LRRTM4: variants seen among roughly 807,000 people sequenced by gnomAD.
The protein encoded by LRRTM4 is leucine-rich repeat transmembrane neuronal protein 4.
In LRRTM4, 25 loss-of-function variants were observed where a neutral mutation model predicts 47.6. That is an observed-to-expected ratio of 0.53 (90% confidence interval 0.38 to 0.73). The LOEUF is 0.73. Ranked by LOEUF, LRRTM4 falls within the 30% of genes least tolerant of loss-of-function variation. The pLI, the probability that LRRTM4 is intolerant of heterozygous loss-of-function variation, is 0.00. For synonymous variants in LRRTM4, 311 were observed against 269.5 expected (o/e 1.15, Z -1.51); for missense variants, 638 against 713.4 (o/e 0.89, Z 1.20).
chr2:76,945,078 T>G (rs535348077), intron 3 of LRRTM4, among the ~76,000 whole-genome samples: 2 of 152,130 alleles, frequency 1.3e-5, no homozygotes, highest in East Asian at 3.9e-4. Flanking sequence ...CAGGTATGTG[T>G]TTTTTGGCCA....
chr2:77,024,496 A>T (rs78919582), intron 3 of LRRTM4, among the ~76,000 whole-genome samples: 14 of 85,308 alleles, frequency 1.6e-4, no homozygotes, highest in African/African-American at 4.0e-4. Flanking sequence ...GTCTAGAATT[A>T]AAAAAAAAAA....
At chr2:77,082,523 T>G (rs1425518459) in intron 3 of LRRTM4, among the ~76,000 whole-genome samples, 1 of 152,140 alleles carries the variant, frequency 6.6e-6, no homozygotes, top group Admixed American at 6.6e-5. Flanking sequence ...AGCCTTTACC[T>G]ATAGAATTTA....
At chr2:77,318,983 G>A (rs1358151401) in intron 3 of LRRTM4, among the ~76,000 whole-genome samples, 1 of 151,770 alleles carries the variant, frequency 6.6e-6, no homozygotes, top group Admixed American at 6.6e-5. Context: ...AAGGATAACT[G>A]GACACAGCTA....
intron 3 of LRRTM4, among the ~76,000 whole-genome samples, chr2:77,071,749 A>T (rs1215182881): frequency 6.6e-6 from 1 of 152,202 alleles, no homozygotes. Flanking sequence ...ATTCATGGGG[A>T]TGTATGCTTC....
chr2:77,408,879 T>C (rs1205737975), intron 3 of LRRTM4, among the ~76,000 whole-genome samples: 1 of 152,176 alleles, frequency 6.6e-6, no homozygotes, highest in Non-Finnish European at 1.5e-5. Context: ...AATTAAACAG[T>C]CAAAAGAATG....
intron 3 of LRRTM4, among the ~76,000 whole-genome samples, chr2:77,410,990 C>T (rs951869308): frequency 6.6e-6 from 1 of 152,046 alleles, no homozygotes; most frequent in African/African-American, 2.4e-5. Context: ...ATGGACCCAA[C>T]GAGAATCTTA....
At chr2:77,018,259 C>CTTTTTTTTTTGTTTTTT (rs1678142488) in intron 3 of LRRTM4, among the ~76,000 whole-genome samples, 1 of 75,036 alleles carries the variant, frequency 1.3e-5, no homozygotes, top group Non-Finnish European at 2.4e-5. Flanking sequence ...CTCTTGATTG[C>CTTTTTTTTTTGTTTTTT]TTTTTTTTTT....
intron 3 of LRRTM4, among the ~76,000 whole-genome samples, chr2:77,072,653 G>T (rs527367679): frequency 1.3e-5 from 2 of 152,008 alleles, no homozygotes; most frequent in African/African-American, 4.8e-5. Context: ...CAGAAAATTA[G>T]CCAGGTGTGG....
At chr2:77,024,236 G>A (rs1174094326) in intron 3 of LRRTM4, among the ~76,000 whole-genome samples, 1 of 152,050 alleles carries the variant, frequency 6.6e-6, no homozygotes, top group Non-Finnish European at 1.5e-5. Context: ...TTTGGGTGGG[G>A]GCACAGAGCC....
At chr2:76,959,576 G>T (rs1025311587) in intron 3 of LRRTM4, among the ~76,000 whole-genome samples, 2 of 151,672 alleles carry the variant, frequency 1.3e-5, no homozygotes, top group Non-Finnish European at 3.0e-5. Context: ...CAAAAGTAAA[G>T]GGATAAAGTA....
chr2:77,453,258 T>C (rs1676336177), intron 3 of LRRTM4, among the ~76,000 whole-genome samples: 1 of 147,804 alleles, frequency 6.8e-6, no homozygotes, highest in African/African-American at 2.5e-5. Context: ...CTCTGTTCAC[T>C]GCAAGCTCCG....
At chr2:76,802,149 A>T (rs1675730522) in intron 3 of LRRTM4, among the ~76,000 whole-genome samples, 1 of 152,046 alleles carries the variant, frequency 6.6e-6, no homozygotes, top group Admixed American at 6.6e-5. Flanking sequence ...AAAGAATAAA[A>T]GTCATCTAAA....
At chr2:77,362,111 AAGAG>A (rs199691221) in intron 3 of LRRTM4, among the ~76,000 whole-genome samples, 3 of 134,660 alleles carry the variant, frequency 2.2e-5, no homozygotes, top group Non-Finnish European at 4.8e-5. Context: ...GAAAGAAAGA[AAGAG>A]AGAAAGAAAG....
At chr2:76,825,993 A>G (rs1046158600) in intron 3 of LRRTM4, among the ~76,000 whole-genome samples, 3 of 151,796 alleles carry the variant, frequency 2.0e-5, no homozygotes, top group African/African-American at 7.2e-5. Flanking sequence ...GTTTGCTAAC[A>G]CGAAGTAACT....
Position 76,914,451 on chromosome 2 carries a change from T to C in LRRTM4, c.1552-165535A>G, listed in dbSNP as rs143978688. ...TTTCACTTCCTGATCTGGATTATAT[T>C]TTTTGTAAAGTGTCAAAGATGATTT... On this transcript the variant is annotated intron_variant, in intron 3 of 3. Coordinates refer to ENST00000409884, the MANE Select transcript of LRRTM4 (RefSeq NM_001134745.3). Among the ~76,000 whole-genome samples the C allele has an allele frequency of 2.6e-3, 393 of 152,258 alleles. 2 individuals carry two copies. The highest frequency in any genetic ancestry group is 0.01 in the Middle Eastern group (3 of 294).
intron 3 of LRRTM4, among the ~76,000 whole-genome samples, chr2:77,183,731 C>G (rs1673418962): frequency 6.6e-6 from 1 of 152,110 alleles, no homozygotes; most frequent in South Asian, 2.1e-4. Context: ...CACATCTACA[C>G]CATGGAATAC....
intron 3 of LRRTM4, among the ~76,000 whole-genome samples, chr2:77,208,027 T>C (rs1674190155): frequency 1.3e-5 from 2 of 151,706 alleles, no homozygotes; most frequent in South Asian, 4.2e-4. Context: ...CACAGGCACC[T>C]GCCACCATGC....
At chr2:77,211,731 C>G (rs1163684607) in intron 3 of LRRTM4, among the ~76,000 whole-genome samples, 2 of 152,074 alleles carry the variant, frequency 1.3e-5, no homozygotes, top group African/African-American at 4.8e-5. Context: ...ACTCCCTTCC[C>G]ATAGCCATGT....
chr2:77,147,906 A>T (rs1672301816), intron 3 of LRRTM4, among the ~76,000 whole-genome samples: 1 of 152,190 alleles, frequency 6.6e-6, no homozygotes, highest in Non-Finnish European at 1.5e-5. Flanking sequence ...TTTTTTAAGC[A>T]TTGAGGGTTT....
Sources: gnomAD v4.1 joint callset for allele counts (sites outside exome capture counted in the v4.1 genomes callset) on GRCh38, gnomAD v4.1.1 for gene constraint, MANE v1.5 for transcripts, NCBI Gene and HGNC (gene_info 2026-07-23, HGNC 2026-07-21) for gene names.